Variants in CLEC4C observed in about 807,000 individuals in gnomAD.
CLEC4C encodes C-type lectin domain family 4 member C.
A neutral mutation model predicts 27.7 loss-of-function variants in CLEC4C; 17 were observed. That is an observed-to-expected ratio of 0.61 (90% CI 0.42 to 0.92). The LOEUF is 0.92. Ranked by LOEUF, CLEC4C falls within the 40% of genes least tolerant of loss-of-function variation. The pLI, the probability that CLEC4C is intolerant of heterozygous loss-of-function variation, is 0.00. For synonymous variants in CLEC4C, 80 were observed against 80.8 expected (o/e 0.99, Z 0.06); for missense variants, 244 against 257.3 (o/e 0.95, Z 0.35).
chr12:7,740,445 A>C (rs1374687392), intron 3 of CLEC4C, among the ~76,000 whole-genome samples: 2 of 151,846 alleles, frequency 1.3e-5, no homozygotes, highest in Non-Finnish European at 2.9e-5. Flanking sequence ...CACGCCTGTA[A>C]TCCCAGCACT....
intron 5 of CLEC4C, 118 bp downstream of exon 5, chr12:7,730,679 A>T: frequency 1.8e-6 from 1 of 550,608 alleles, no homozygotes. Flanking sequence ...GATGTCAAAT[A>T]GACCTAGGTT....
chr12:7,738,887 T>C (rs1267515923), intron 3 of CLEC4C, among the ~76,000 whole-genome samples: 1 of 152,180 alleles, frequency 6.6e-6, no homozygotes, highest in Non-Finnish European at 1.5e-5. Flanking sequence ...TATGTATACA[T>C]GTGCCACTTT....
chr12:7,740,631 G>C (rs1864830977), intron 3 of CLEC4C, among the ~76,000 whole-genome samples: 1 of 151,658 alleles, frequency 6.6e-6, no homozygotes, highest in South Asian at 2.1e-4. Context: ...AACCTGGGAG[G>C]CAGAGGTTGC....
In CLEC4C at chr12:7,741,460, G is replaced by A. The variant is rs73056605; in HGVS notation, c.196C>T (p.Pro66Ser). 424,014 of 1,607,276 alleles carry A rather than the reference G, an allele frequency of 0.26. 59,606 individuals are homozygous for A. The highest frequency in any genetic ancestry group is 0.34 in the Admixed American group (20,225 of 59,938). The change falls in exon 3 of 6, where the codon CCA becomes TCA. Residue 66 changes from proline to serine, a missense_variant. Coordinates refer to ENST00000360345, the MANE Select transcript of CLEC4C (RefSeq NM_001371390.1). Reference protein sequence around the residue: ...SKLREYQQYHPSLTCVMEGKD... With the variant: ...SKLREYQQYHSSLTCVMEGKD... ...CCTTCCATGACGCAGGTCAGGCTTG[G>A]ATGATACTGTTGATACTCTCGTAAC...
chr12:7,741,490 A>T lies in CLEC4C; in HGVS notation c.166T>A (p.Ser56Thr). The change falls in exon 3 of 6, where the codon TCC (serine) becomes ACC (threonine). Residue 56 changes from serine to threonine, a missense_variant. Physicochemically the swap from Ser to Thr is moderately conservative, Grantham distance 58. Coordinates refer to ENST00000360345, the MANE Select transcript of CLEC4C (RefSeq NM_001371390.1). ...TACTGTTGATACTCTCGTAACTTGGACAGCCTCTTGACAGTTTTGCTATAC... is the reference window on the plus strand; with the variant it reads ...TACTGTTGATACTCTCGTAACTTGGTCAGCCTCTTGACAGTTTTGCTATAC... ...FMYSKTVKRL[S>T]KLREYQQYHP... The T allele has an allele frequency of 1.2e-6, 2 of 1,612,510 alleles. No homozygotes were observed. Among genetic ancestry groups the T allele is most frequent in the Non-Finnish European group, 1.7e-6 (2 of 1,178,508 alleles).
chr12:7,745,203 A>C (rs762392514), intron 2 of CLEC4C, among the ~76,000 whole-genome samples: 2 of 151,966 alleles, frequency 1.3e-5, no homozygotes, highest in Non-Finnish European at 2.9e-5. Context: ...AGATGAGGTT[A>C]TGAGGGGGGG....
chr12:7,740,470 C>T lies in CLEC4C; in HGVS notation c.235+951G>A, dbSNP rs191589618. On this transcript the variant is annotated intron_variant, in intron 3 of 5. Transcript: ENST00000360345. The stretch of plus-strand genomic sequence containing the variant: ...ATCCCAGCACTTTGGGAGGCCGATG[C>T]GGGAGGATTGCCTGAGCTCAGGAGT... 3.3e-3 allele frequency among the ~76,000 whole-genome samples: 502 copies of T among 151,890 alleles called. 1 individual carries two copies. Among genetic ancestry groups the T allele is most frequent in the African/African-American group, 0.011 (469 of 41,494 alleles).
intron 4 of CLEC4C, among the ~76,000 whole-genome samples, chr12:7,736,522 A>AT (rs200360449): frequency 7.2e-5 from 11 of 151,976 alleles, no homozygotes; most frequent in Non-Finnish European, 1.5e-4. Flanking sequence ...ATTTGCCTGA[A>AT]TTTTTTTTCT....
chr12:7,746,409 A>C lies in CLEC4C; in HGVS notation c.46T>G (p.Trp16Gly). 6.2e-7 allele frequency: 1 copy of C among 1,612,456 alleles called. No homozygotes were observed. The highest frequency in any genetic ancestry group is 8.5e-7 in the Non-Finnish European group (1 of 1,178,598). The change falls in exon 2 of 6, where the codon TGG becomes GGG. Residue 16 changes from tryptophan (W) to glycine (G), a missense_variant. Trp to Gly is a radical substitution (Grantham distance 184). Transcript: ENST00000360345. Reference sequence around the variant, plus strand: ...ATGGACCAGACCTTCAACTGGAACCACCAGAGTCCTTTCTCTGTCAGATCA... The same window carrying C: ...ATGGACCAGACCTTCAACTGGAACCCCCAGAGTCCTTTCTCTGTCAGATCA... The part of the protein sequence containing the change: ...EPQDREKGLW[W>G]FQLKVWSMAV...
intron 2 of CLEC4C, among the ~76,000 whole-genome samples, chr12:7,741,806 T>A (rs759603009): frequency 6.6e-6 from 1 of 151,758 alleles, no homozygotes; most frequent in Non-Finnish European, 1.5e-5. Flanking sequence ...CGAGGCTGGT[T>A]GGATCACTTG....
intron 4 of CLEC4C, among the ~76,000 whole-genome samples, chr12:7,736,236 C>T (rs1174191801): frequency 1.3e-5 from 2 of 151,876 alleles, no homozygotes; most frequent in African/African-American, 2.4e-5. Context: ...TGAGCCAAGA[C>T]CGTGCCATTG....
chr12:7,730,639 T>TGA, intron 5 of CLEC4C, 158 bp downstream of exon 5: 2 of 285,778 alleles, frequency 7.0e-6, no homozygotes, highest in Non-Finnish European at 1.3e-5. Context: ...GACTCTTGTC[T>TGA]AAAAAAAAAA....
chr12:7,746,801 G>A (rs1205475389), intron 1 of CLEC4C, among the ~76,000 whole-genome samples: 1 of 152,110 alleles, frequency 6.6e-6, no homozygotes, highest in Non-Finnish European at 1.5e-5. Context: ...TTCCTTTAAG[G>A]CCTTCTAGGC....
chr12:7,741,674 G>A (rs1864859562), intron 2 of CLEC4C, 143 bp from the exon 3 acceptor site: 4 of 555,686 alleles, frequency 7.2e-6, no homozygotes, highest in South Asian at 6.9e-5. Context: ...GACCATTTGA[G>A]GTCGGGAGTT....
intron 5 of CLEC4C, among the ~76,000 whole-genome samples, 187 bp downstream of exon 5, chr12:7,730,610 A>C (rs1000770035): frequency 2.7e-5 from 4 of 150,876 alleles, no homozygotes; most frequent in African/African-American, 9.7e-5. Context: ...ACTGCACTCT[A>C]GCCTGGGTGA....
At chr12:7,747,597 C>A (rs976094374), upstream of CLEC4C, 4 of 275,054 alleles carry the variant, frequency 1.5e-5, no homozygotes, top group Admixed American at 4.8e-5. Context: ...TCGAGAAATA[C>A]ATGAAAAACA....
intron 3 of CLEC4C, among the ~76,000 whole-genome samples, chr12:7,739,205 C>A (rs1026255875): frequency 2.0e-5 from 3 of 150,710 alleles, no homozygotes; most frequent in Non-Finnish European, 4.4e-5. Flanking sequence ...CTTCGCCTCC[C>A]GGGTTCAAGC....
At chr12:7,737,006 G>A (rs960554750) in intron 4 of CLEC4C, among the ~76,000 whole-genome samples, 1 of 152,110 alleles carries the variant, frequency 6.6e-6, no homozygotes, top group Non-Finnish European at 1.5e-5. Context: ...CGAGGCAGGT[G>A]GATCATTTGA....
chr12:7,747,630 G>GTTTT, upstream of CLEC4C: 1 of 125,566 alleles, frequency 8.0e-6, no homozygotes, highest in Admixed American at 9.9e-5. Flanking sequence ...AGGTCTGATT[G>GTTTT]TCTTTTTTTT....
Sources: gnomAD v4.1 joint callset for allele counts (sites outside exome capture counted in the v4.1 genomes callset) on GRCh38, gnomAD v4.1.1 for gene constraint, MANE v1.5 for transcripts, NCBI Gene and HGNC (gene_info 2026-07-23, HGNC 2026-07-21) for gene names.